Variants in ABCG8 observed in about 807,000 individuals in gnomAD.
ABCG8 encodes ATP-binding cassette sub-family G member 8.
A neutral mutation model predicts 71.3 loss-of-function variants in ABCG8; 81 were observed. That is an observed-to-expected ratio of 1.14 (90% confidence interval 0.95 to 1.37). The LOEUF is 1.37. Ranked by LOEUF, ABCG8 falls within the 40% of genes most tolerant of loss-of-function variation. The pLI is 0.00. For synonymous variants in ABCG8, 451 were observed against 354.7 expected (o/e 1.27, Z -3.05); for missense variants, 1,119 against 866.2 (o/e 1.29, Z -3.66).
intron 4 of ABCG8, 132 bp downstream of exon 4, chr2:43,851,954 A>G (rs552513856): frequency 9.4e-7 from 1 of 1,058,512 alleles, no homozygotes; most frequent in East Asian, 2.4e-5. Context: ...GCCTTCCGCC[A>G]GCCCTGGGCT....
intron 8 of ABCG8, among the ~76,000 whole-genome samples, chr2:43,872,638 G>A (rs879677800): frequency 2.6e-5 from 4 of 152,126 alleles, no homozygotes; most frequent in Non-Finnish European, 4.4e-5. Context: ...TTGATTCCTG[G>A]AGGTGGAGGC....
At chr2:43,874,096 G>C in intron 9 of ABCG8, 110 bp downstream of exon 9, 1 of 1,176,322 alleles carries the variant, frequency 8.5e-7, no homozygotes, top group Non-Finnish European at 1.3e-6. Flanking sequence ...TGATATATAA[G>C]ACAATAATGT....
intron 6 of ABCG8, among the ~76,000 whole-genome samples, chr2:43,869,036 G>T (rs889480318): frequency 6.6e-6 from 1 of 151,984 alleles, no homozygotes; most frequent in Non-Finnish European, 1.5e-5. Context: ...TGTCTAGATA[G>T]AATTTTCACC....
Position 43,881,365 on chromosome 2 carries a change from G to A in ABCG8, c.*3452G>A, listed in dbSNP as rs562185417. On this transcript the variant is annotated 3_prime_UTR_variant, in exon 13 of 13. Transcript: ENST00000272286. Reference sequence around the variant, plus strand: ...TTGCCCAGAGACTCTGATCCCATGGGTCTGTTTTGTTTAAAATGCTCTTCA... The same window carrying A: ...TTGCCCAGAGACTCTGATCCCATGGATCTGTTTTGTTTAAAATGCTCTTCA... The A allele has an allele frequency of 1.1e-4, 17 of 152,284 alleles. No individual in the cohort carries two copies. Among genetic ancestry groups the A allele is most frequent in the African/African-American group, 4.1e-4 (17 of 41,558 alleles). 9.4% of individuals were successfully genotyped at this position (152,284 alleles called of 1,614,324 possible). A position where few individuals can be genotyped will look rare whatever the true frequency, so the allele number is the denominator to read the frequency against.
At chr2:43,875,465 G>A in intron 11 of ABCG8, 52 bp downstream of exon 11, 4 of 1,584,742 alleles carry the variant, frequency 2.5e-6, no homozygotes, top group South Asian at 2.3e-5. Flanking sequence ...TCATGTGACT[G>A]GATGAAGCCT....
intron 3 of ABCG8, chr2:43,847,206 A>T (rs1204675190): frequency 6.6e-6 from 1 of 152,206 alleles, no homozygotes; most frequent in East Asian, 1.9e-4. Context: ...CTTTTAATTA[A>T]TCATTTCCAG....
At chr2:43,852,913 T>A in intron 6 of ABCG8, 45 bp downstream of exon 6, 1 of 1,602,342 alleles carries the variant, frequency 6.2e-7, no homozygotes, top group Non-Finnish European at 8.5e-7. Context: ...ACACAGGGCC[T>A]CCCCGATGCT....
intron 6 of ABCG8, among the ~76,000 whole-genome samples, chr2:43,860,027 T>C (rs1669251179): frequency 6.6e-6 from 1 of 151,198 alleles, no homozygotes; most frequent in Non-Finnish European, 1.5e-5. Flanking sequence ...CTGGATAGAA[T>C]TATCATCCTC....
chr2:43,876,885 A>T lies in ABCG8; in HGVS notation c.1757-676A>T, dbSNP rs1669975990. 2.7e-5 allele frequency among the ~76,000 whole-genome samples: 4 copies of T among 147,854 alleles called. No homozygotes were observed. In the South Asian group the frequency reaches 8.8e-4, roughly 32 times the overall value. ...GGGGAGATTGTGCGAATATGGGGAG[A>T]CCATGGGAATATGGGGAGACTGTGG... On this transcript the variant is annotated intron_variant, in intron 11 of 12. Transcript: ENST00000272286.
chr2:43,877,756 C>G lies in ABCG8; in HGVS notation c.1885-20C>G, dbSNP rs377099254. 1.9e-6 allele frequency: 3 copies of G among 1,614,032 alleles called. No homozygotes were observed. Among genetic ancestry groups the G allele is most frequent in the African/African-American group, 2.7e-5 (2 of 74,896 alleles). On this transcript the variant is annotated intron_variant, in intron 12 of 12. Coordinates refer to ENST00000272286, the MANE Select transcript of ABCG8 (RefSeq NM_022437.3). ...GCTTTCCATCCTCCTCATGAGCCCACTGCATGTCTGTGTCTCCAGATCCTC... is the reference window on the plus strand; with the variant it reads ...GCTTTCCATCCTCCTCATGAGCCCAGTGCATGTCTGTGTCTCCAGATCCTC...
chr2:43,874,317 C>G, intron 9 of ABCG8, 90 bp from the exon 10 acceptor site: 1 of 1,128,962 alleles, frequency 8.9e-7, no homozygotes, highest in Middle Eastern at 1.9e-4. Context: ...ATGATAACTA[C>G]TTTGAATTGT....
rs1463793178 is a variant in ABCG8 at position 43,873,952 on chromosome 2, C to T, written c.1377C>T (p.Ile459=). The change falls in exon 9 of 13, where the codon ATC becomes ATT. Residue 459 remains isoleucine (I), a synonymous_variant. Transcript: ENST00000272286. ...TCTTGTTCATGATCGGTGCTCTCAT[C>T]CCTTTCAACGTCATTCTGGATGTCA... is the stretch of plus-strand genomic sequence containing the variant. The part of the protein sequence containing the change: ...AALLFMIGAL[I]PFNVILDVIS... 6.2e-7 allele frequency: 1 copy of T among 1,614,142 alleles called. No individual in the cohort carries two copies.
chr2:43,874,024 A>T (rs201092274), intron 9 of ABCG8, 38 bp downstream of exon 9: 3 of 1,607,846 alleles, frequency 1.9e-6, no homozygotes, highest in Non-Finnish European at 2.5e-6. Flanking sequence ...GCAGGACCTC[A>T]GCCACCTCCA....
In ABCG8 at chr2:43,872,270, T is replaced by A. The variant is rs755917160; in HGVS notation, c.1175T>A (p.Met392Lys). 8 of 1,613,898 alleles carry A rather than the reference T, an allele frequency of 5.0e-6. No individual in the cohort carries two copies. Among genetic ancestry groups the A allele is most frequent in the Admixed American group, 1.7e-5 (1 of 60,008 alleles). ...DTNCLPSPTK[M>K]PGAVQQFTTL... ...AACTGCCTCCCGAGTCCTACGAAGA[T>A]GCCTGGGGCGGTGCAGCAGTTTACG... The change falls in exon 8 of 13, where the codon ATG (methionine) becomes AAG (lysine). Residue 392 changes from methionine to lysine, a missense_variant. Transcript: ENST00000272286.
chr2:43,862,037 T>C (rs1453514745), intron 6 of ABCG8, among the ~76,000 whole-genome samples: 1 of 151,428 alleles, frequency 6.6e-6, no homozygotes, highest in Non-Finnish European at 1.5e-5. Flanking sequence ...GATAGAATTC[T>C]CACCATCTAG....
chr2:43,853,541 T>TA (rs111257916), intron 6 of ABCG8, among the ~76,000 whole-genome samples: 8,201 of 152,238 alleles, frequency 0.054, 268 homozygotes, highest in Middle Eastern at 0.11. Context: ...TGTCATGGCT[T>TA]ATGCTATAGG....
chr2:43,872,070 G>C lies in ABCG8; in HGVS notation c.1059G>C (p.Val353=), dbSNP rs751866338. 27 of 1,614,008 alleles carry C rather than the reference G, an allele frequency of 1.7e-5. No homozygotes were observed. In the East Asian group the frequency reaches 5.8e-4, roughly 35 times the overall value. ...TCGCAGCCCTGTTTCTAGAAAAAGT[G>C]CGTGACTTAGATGACTTTCTATGGA... is the stretch of plus-strand genomic sequence containing the variant. ...QSLAALFLEK[V]RDLDDFLWKA... is the part of the protein sequence containing the mutation. Residue 353 remains valine, a synonymous_variant, in exon 7 of 13, where the codon GTG becomes GTC. Coordinates refer to ENST00000272286, the MANE Select transcript of ABCG8 (RefSeq NM_022437.3).
At chr2:43,860,145 C>T (rs1193437901) in intron 6 of ABCG8, among the ~76,000 whole-genome samples, 2 of 150,858 alleles carry the variant, frequency 1.3e-5, no homozygotes, top group African/African-American at 4.9e-5. Flanking sequence ...CACTATCTGT[C>T]TGGATAAAAT....
chr2:43,870,798 C>CACCATCTGGATAGAATCTT lies in ABCG8; in HGVS notation c.965-1176_965-1175insCATCTGGATAGAATCTTAC, dbSNP rs1202398703. On this transcript the variant is annotated intron_variant, in intron 6 of 12. Coordinates refer to ENST00000272286, the MANE Select transcript of ABCG8 (RefSeq NM_022437.3). Reference sequence around the variant, plus strand: ...AATTTTCACCATCTGGATAGAATCTCACTATCTAGATAGAATTCTCATTCT... The same window carrying CACCATCTGGATAGAATCTT: ...AATTTTCACCATCTGGATAGAATCTCACCATCTGGATAGAATCTTACTATCTAGATAGAATTCTCATTCT... Among the ~76,000 whole-genome samples, 621 of 149,952 alleles carry CACCATCTGGATAGAATCTT rather than the reference C, an allele frequency of 4.1e-3. 2 individuals are homozygous for CACCATCTGGATAGAATCTT. Among genetic ancestry groups the CACCATCTGGATAGAATCTT allele is most frequent in the African/African-American group, 0.014 (575 of 40,578 alleles).
Sources: gnomAD v4.1 joint callset for allele counts (sites outside exome capture counted in the v4.1 genomes callset) on GRCh38, gnomAD v4.1.1 for gene constraint, MANE v1.5 for transcripts, NCBI Gene and HGNC (gene_info 2026-07-23, HGNC 2026-07-21) for gene names.